Variants in SERINC5 observed in about 807,000 individuals in gnomAD.
SERINC5 encodes the protein serine incorporator 5.
In SERINC5, 41 loss-of-function variants were observed where a neutral mutation model predicts 63.1. The observed-to-expected ratio is 0.65, with a 90% CI of 0.51 to 0.84. The LOEUF (loss-of-function observed/expected upper bound fraction) is 0.84. Among genes scored for constraint, SERINC5 ranks in the 40% least tolerant of loss-of-function variants. The probability of loss-of-function intolerance (pLI) is 0.00; values close to 1 mark genes in which losing one functional copy is unlikely to be tolerated. For synonymous variants in SERINC5, 222 were observed against 215.2 expected, an observed-to-expected ratio of 1.03 and a Z score of -0.28; for missense variants, 523 against 573.0, an observed-to-expected ratio of 0.91 and a Z score of 0.89.
intron 11 of SERINC5, among the ~76,000 whole-genome samples, chr5:80,115,075 C>T (rs1383452984): frequency 1.3e-5 from 2 of 151,920 alleles, no homozygotes; most frequent in African/African-American, 4.8e-5. Context: ...GAAAGTGGAG[C>T]CACCCACTCC....
chr5:80,112,645 A>G (rs256434), intron 12 of SERINC5, among the ~76,000 whole-genome samples: 20,288 of 151,300 alleles, frequency 0.13, 1,526 homozygotes, highest in South Asian at 0.22. Context: ...GGGGCAAACC[A>G]CCCCTTCATG....
Position 80,142,517 on chromosome 5 carries a change from T to C in SERINC5, c.*1146A>G. 1 of 985,458 alleles carries C rather than the reference T, an allele frequency of 1.0e-6. No homozygotes were observed. The highest frequency in any genetic ancestry group is 1.2e-6 in the Non-Finnish European group (1 of 829,962). 61.0% of individuals were successfully genotyped at this position (985,458 alleles called of 1,614,324 possible). A position where few individuals can be genotyped will look rare whatever the true frequency, so the allele number is the denominator to read the frequency against. On this transcript the variant is annotated 3_prime_UTR_variant, in exon 12 of 12. Transcript: ENST00000507668. ...CCTCTTTTTAAGTATATTCGGCCAC[T>C]TCCACACATTGCCTAACAAGCTTCT... is the stretch of plus-strand genomic sequence containing the variant.
intron 1 of SERINC5, among the ~76,000 whole-genome samples, chr5:80,216,947 G>A (rs1250850418): frequency 2.0e-5 from 3 of 152,052 alleles, no homozygotes; most frequent in Non-Finnish European, 1.5e-5. Flanking sequence ...GAAGATTGAG[G>A]TTACATTGAG....
At chr5:80,166,621 T>C (rs1747319958) in intron 6 of SERINC5, 143 bp from the exon 7 acceptor site, 1 of 565,070 alleles carries the variant, frequency 1.8e-6, no homozygotes, top group South Asian at 2.0e-5. Flanking sequence ...AAATGTAGTA[T>C]GTTTCTCAGA....
Position 80,141,917 on chromosome 5 carries a change from C to T in SERINC5, c.*1746G>A, listed in dbSNP as rs1471179346. 3 of 985,224 alleles carry T rather than the reference C, an allele frequency of 3.0e-6. No individual in the cohort carries two copies. The highest frequency in any genetic ancestry group is 3.6e-6 in the Non-Finnish European group (3 of 829,924). 61.0% of individuals were successfully genotyped at this position (985,224 alleles called of 1,614,324 possible). ...TAGGGAAAGTTCTAAAGGAATTCAT[C>T]CCCTGTAATTTGTTTCCCCATGGGT... On this transcript the variant is annotated 3_prime_UTR_variant, in exon 12 of 12. Transcript: ENST00000507668.
chr5:80,223,402 T>C (rs1044658379), intron 1 of SERINC5, among the ~76,000 whole-genome samples: 5 of 152,254 alleles, frequency 3.3e-5, no homozygotes, highest in Admixed American at 3.3e-4. Flanking sequence ...TGTTGTGCTA[T>C]ATTTTTTAAT....
chr5:80,177,365 G>T lies in SERINC5; in HGVS notation c.407C>A (p.Ala136Asp). ...AATGAAGAAAGCTCCTGAGCACATG[G>T]CCCCCAACAGCAGAAGTTTAAAGAA... ...FWFFKLLLLG[A>D]MCSGAFFIPD... Residue 136 changes from alanine (A) to aspartate (D), a missense_variant, in exon 4 of 12, where the codon GCC (alanine) becomes GAC (aspartate). Ala to Asp is a moderately radical substitution (Grantham distance 126). Transcript: ENST00000507668. 1 of 1,613,622 alleles carries T rather than the reference G, an allele frequency of 6.2e-7. No individual in the cohort carries two copies. Among genetic ancestry groups the T allele is most frequent in the Non-Finnish European group, 8.5e-7 (1 of 1,179,618 alleles).
At chr5:80,124,999 C>G (rs1744693851) in intron 11 of SERINC5, among the ~76,000 whole-genome samples, 1 of 152,150 alleles carries the variant, frequency 6.6e-6, no homozygotes, top group African/African-American at 2.4e-5. Context: ...AATAGGGGTC[C>G]ACTCCATTCC....
At chr5:80,176,273 T>C (rs993386623) in intron 4 of SERINC5, among the ~76,000 whole-genome samples, 3 of 152,226 alleles carry the variant, frequency 2.0e-5, no homozygotes, top group African/African-American at 7.2e-5. Context: ...AAAGGATCTC[T>C]GTAGAGAATT....
intron 1 of SERINC5, among the ~76,000 whole-genome samples, chr5:80,247,822 G>GT (rs1752229863): frequency 6.6e-6 from 1 of 152,114 alleles, no homozygotes; most frequent in South Asian, 2.1e-4. Context: ...TATATACTGT[G>GT]TTTTTTCCTG....
chr5:80,239,642 T>C (rs1440100762), intron 1 of SERINC5, among the ~76,000 whole-genome samples: 1 of 152,114 alleles, frequency 6.6e-6, no homozygotes, highest in Non-Finnish European at 1.5e-5. Flanking sequence ...TGGTACCCTA[T>C]GAGCCAGGAG....
At chr5:80,173,282 A>AAGGAAGG (rs1561393315) in intron 5 of SERINC5, among the ~76,000 whole-genome samples, 2 of 145,570 alleles carry the variant, frequency 1.4e-5, no homozygotes, top group African/African-American at 5.2e-5. Context: ...AGGAAGGAAG[A>AAGGAAGG]AAATGAAATG....
intron 1 of SERINC5, among the ~76,000 whole-genome samples, chr5:80,251,279 A>AATAC (rs762762605): frequency 6.0e-4 from 81 of 133,886 alleles, no homozygotes; most frequent in East Asian, 3.3e-3. Context: ...CCCATCTTTA[A>AATAC]ATACATACAT....
chr5:80,249,221 G>A (rs948358450), intron 1 of SERINC5, among the ~76,000 whole-genome samples: 7 of 151,858 alleles, frequency 4.6e-5, no homozygotes, highest in African/African-American at 7.3e-5. Flanking sequence ...AGGCTGAGGC[G>A]GGAGAATGGT....
At chr5:80,229,354 T>TG (rs1751336043) in intron 1 of SERINC5, among the ~76,000 whole-genome samples, 1 of 151,152 alleles carries the variant, frequency 6.6e-6, no homozygotes, top group Admixed American at 6.6e-5. Flanking sequence ...TTTTTTTTTT[T>TG]TTTTTTTGCT....
At chr5:80,170,988 A>G (rs1170904522) in intron 5 of SERINC5, among the ~76,000 whole-genome samples, 1 of 152,166 alleles carries the variant, frequency 6.6e-6, no homozygotes, top group African/African-American at 2.4e-5. Context: ...AGTTTGGGCA[A>G]GAGTAAGACC....
rs181835475 is a variant in SERINC5 at position 80,201,715 on chromosome 5, C to T, written c.195+1171G>A. ...AAAAGGAAATTCAAGAAAAAGAGGT[C>T]CCACATGTATCTCCATCAGCATCAC... On this transcript the variant is annotated intron_variant, in intron 2 of 11. Coordinates refer to ENST00000507668, the MANE Select transcript of SERINC5 (RefSeq NM_001174072.3). Among the ~76,000 whole-genome samples the T allele has an allele frequency of 4.6e-5, 7 of 152,272 alleles. No homozygotes were observed. In the East Asian group the frequency reaches 1.4e-3, roughly 29 times the overall value.
At chr5:80,215,542 T>C (rs1193246581) in intron 1 of SERINC5, among the ~76,000 whole-genome samples, 1 of 152,238 alleles carries the variant, frequency 6.6e-6, no homozygotes, top group African/African-American at 2.4e-5. Context: ...AGACTAGAAA[T>C]ATGCTCTTAT....
chr5:80,177,790 G>T, intron 3 of SERINC5, 96 bp downstream of exon 3: 1 of 907,930 alleles, frequency 1.1e-6, no homozygotes, highest in Non-Finnish European at 1.6e-6. Context: ...CTAGAAGAAG[G>T]GCAGTCACAG....
Sources: gnomAD v4.1 joint callset for allele counts (sites outside exome capture counted in the v4.1 genomes callset) on GRCh38, gnomAD v4.1.1 for gene constraint, MANE v1.5 for transcripts, NCBI Gene and HGNC (gene_info 2026-07-23, HGNC 2026-07-21) for gene names.